Variants in ADGRD1 observed in about 807,000 individuals in gnomAD.
ADGRD1 encodes G-protein coupled receptor 133.
Under a neutral mutation model 113.4 loss-of-function variants are expected in ADGRD1, and 77 were observed. The observed-to-expected ratio is 0.68, with a 90% confidence interval of 0.57 to 0.82. The LOEUF (loss-of-function observed/expected upper bound fraction) is 0.82, where lower values mean the gene tolerates loss of function less well. Among genes scored for constraint, ADGRD1 ranks in the 40% least tolerant of loss-of-function variants. The pLI is 0.00. For synonymous variants in ADGRD1, 474 were observed against 475.0 expected (o/e 1.00, Z 0.03); for missense variants, 1,036 against 1,139.1 (o/e 0.91, Z 1.30).
chr12:131,059,550 T>C (rs1489706183), intron 13 of ADGRD1, among the ~76,000 whole-genome samples: 6 of 152,352 alleles, frequency 3.9e-5, no homozygotes, highest in African/African-American at 1.4e-4. Flanking sequence ...TTTTCCTTTA[T>C]ACAGGTTGAG....
Position 131,060,279 on chromosome 12 carries a change from G to T in ADGRD1, c.1474-16522G>T, listed in dbSNP as rs890970348. On this transcript the variant is annotated intron_variant, in intron 13 of 24. Coordinates refer to ENST00000261654, the MANE Select transcript of ADGRD1 (RefSeq NM_198827.5). The surrounding 1 kb of genome is among the most constrained non-coding windows in gnomAD (Gnocchi z 4.4). Reference sequence around the variant, plus strand: ...TACCCACTCAGCCTTTGCTCATAGAGGCTGGGTGGGGCCACACTTTCTCCC... The same window carrying T: ...TACCCACTCAGCCTTTGCTCATAGATGCTGGGTGGGGCCACACTTTCTCCC... 6.6e-6 allele frequency among the ~76,000 whole-genome samples: 1 copy of T among 152,262 alleles called. No individual in the cohort carries two copies. Among genetic ancestry groups the T allele is most frequent in the South Asian group, 2.1e-4 (1 of 4,832 alleles).
chr12:131,002,419 A>C, intron 9 of ADGRD1: 1 of 708,928 alleles, frequency 1.4e-6, no homozygotes, highest in Non-Finnish European at 1.7e-6. Context: ...TCAGCATTCT[A>C]TTTCCAGCTC....
chr12:131,119,326 G>C (rs996843266), intron 19 of ADGRD1, among the ~76,000 whole-genome samples: 1 of 152,228 alleles, frequency 6.6e-6, no homozygotes, highest in Non-Finnish European at 1.5e-5. Context: ...TTTGTAGAAG[G>C]CAGTGTCTGA....
At chr12:131,010,873 G>C (rs1877782439) in intron 12 of ADGRD1, among the ~76,000 whole-genome samples, 1 of 152,124 alleles carries the variant, frequency 6.6e-6, no homozygotes, top group Admixed American at 6.5e-5. Flanking sequence ...GAGATGGAGG[G>C]GCCCCCGGGG....
chr12:131,136,280 A>G, intron 22 of ADGRD1, 117 bp downstream of exon 22: 1 of 1,260,194 alleles, frequency 7.9e-7, no homozygotes, highest in South Asian at 1.3e-5. Context: ...ACACCTTAGG[A>G]GCCTGTAATG....
At chr12:131,095,804 G>A (rs977425504) in intron 15 of ADGRD1, among the ~76,000 whole-genome samples, 1 of 152,216 alleles carries the variant, frequency 6.6e-6, no homozygotes, top group Admixed American at 6.5e-5. Flanking sequence ...TCTTTGAGAA[G>A]CCGCCAGCCC....
chr12:130,967,081 C>A (rs1318782436), intron 3 of ADGRD1: 2 of 454,628 alleles, frequency 4.4e-6, no homozygotes, highest in Admixed American at 4.7e-5. Context: ...CTGTTTTCTA[C>A]GTTGAATGGA....
At position 131,138,113 on chromosome 12, in the gene ADGRD1, C is replaced by T. The variant is rs1006244354; in HGVS notation, c.2437-24C>T. Reference sequence around the variant, plus strand: ...CTGTTGCAGCCTCTGAAATTGCTCTCACGATCCCTTCCCCGCTTTCAAGGT... The same window carrying T: ...CTGTTGCAGCCTCTGAAATTGCTCTTACGATCCCTTCCCCGCTTTCAAGGT... On this transcript the variant is annotated intron_variant, in intron 23 of 24. Transcript: ENST00000261654. 8 of 1,606,788 alleles carry T rather than the reference C, an allele frequency of 5.0e-6. No homozygotes were observed. The African/African-American group carries it at 9.4e-5, about 19-fold the overall frequency.
chr12:130,999,736 G>T (rs560859938), intron 8 of ADGRD1, among the ~76,000 whole-genome samples: 3 of 152,148 alleles, frequency 2.0e-5, no homozygotes, highest in African/African-American at 7.2e-5. Context: ...AGCCGGTGCC[G>T]CTCAGCTGTG....
At chr12:131,074,888 C>T (rs889666671) in intron 13 of ADGRD1, among the ~76,000 whole-genome samples, 1 of 152,212 alleles carries the variant, frequency 6.6e-6, no homozygotes, top group Non-Finnish European at 1.5e-5. Context: ...TGGCTTGTTG[C>T]GGTGGTGGCT....
At chr12:131,137,979 T>C (rs545550700) in intron 23 of ADGRD1, 158 bp from the exon 24 acceptor site, 28 of 648,738 alleles carry the variant, frequency 4.3e-5, no homozygotes, top group East Asian at 3.9e-4. Context: ...AGAGCAGCGA[T>C]GCACAGCTCA....
At chr12:130,997,797 G>A (rs1395688283) in intron 8 of ADGRD1, among the ~76,000 whole-genome samples, 5 of 152,076 alleles carry the variant, frequency 3.3e-5, no homozygotes, top group East Asian at 3.9e-4. Flanking sequence ...CTTCCCAGAC[G>A]GGGTGGCGGC....
At chr12:131,061,001 C>T (rs1034711920) in intron 13 of ADGRD1, among the ~76,000 whole-genome samples, 6 of 152,070 alleles carry the variant, frequency 3.9e-5, no homozygotes. Flanking sequence ...ACCTGGACAC[C>T]CGTGAGACTC....
At chr12:131,131,649 A>C in intron 20 of ADGRD1, 76 bp from the exon 21 acceptor site, 2 of 992,328 alleles carry the variant, frequency 2.0e-6, no homozygotes, top group Non-Finnish European at 3.2e-6. Flanking sequence ...TGGTGAGGGC[A>C]GTGGCCAGGC....
At position 130,984,910 on chromosome 12, in the gene ADGRD1, ACT is replaced by A. The variant is rs758265539; in HGVS notation, c.491-2175_491-2174del. On this transcript the variant is annotated intron_variant, in intron 5 of 24. Coordinates refer to ENST00000261654, the MANE Select transcript of ADGRD1 (RefSeq NM_198827.5). This position sits in a 1 kb window ranked among gnomAD's most constrained non-coding sequence, Gnocchi z 4.1. ...CTTTCTTCTCTTCTCTCTCTCTCTC[ACT>A]CTCTCTCTCCTCTCTTCTCTCTTTC... 3.1e-5 allele frequency among the ~76,000 whole-genome samples: 3 copies of A among 98,262 alleles called. No homozygotes were observed. The highest frequency in any genetic ancestry group is 6.2e-5 in the Non-Finnish European group (3 of 48,094). 64.5% of individuals were successfully genotyped at this position (98,262 alleles called of 152,430 possible).
At chr12:130,975,229 CA>C (rs1194259015) in intron 4 of ADGRD1, among the ~76,000 whole-genome samples, 1 of 152,144 alleles carries the variant, frequency 6.6e-6, no homozygotes, top group African/African-American at 2.4e-5. Context: ...AGCTCCAGTC[CA>C]GGTGAGTTCC....
intron 13 of ADGRD1, among the ~76,000 whole-genome samples, chr12:131,039,470 G>A (rs1036028241): frequency 6.6e-6 from 1 of 152,268 alleles, no homozygotes; most frequent in South Asian, 2.1e-4. Context: ...CAGAGTTCAC[G>A]ATGGCCGTGC....
intron 8 of ADGRD1, among the ~76,000 whole-genome samples, chr12:130,996,938 G>A (rs554243933): frequency 5.2e-5 from 7 of 133,406 alleles, no homozygotes; most frequent in East Asian, 2.3e-4. Flanking sequence ...CCTCCCGGAC[G>A]GGGTGGCTGG....
At chr12:131,073,614 A>C (rs1052178248) in intron 13 of ADGRD1, among the ~76,000 whole-genome samples, 1 of 152,244 alleles carries the variant, frequency 6.6e-6, no homozygotes, top group Non-Finnish European at 1.5e-5. Flanking sequence ...TTCTGTTGTT[A>C]TAATAGAATA....
Sources: allele counts gnomAD v4.1 joint callset (sites outside exome capture counted in the v4.1 genomes callset), GRCh38; gene constraint gnomAD v4.1.1; non-coding constraint Gnocchi (gnomAD v3.1); transcripts MANE v1.5; gene names NCBI Gene and HGNC (gene_info 2026-07-23, HGNC 2026-07-21).